The following ZNF385D variants were observed in gnomAD, a reference collection of about 807,000 sequenced individuals.
The protein encoded by ZNF385D is zinc finger protein 659.
A neutral mutation model predicts 35.8 loss-of-function variants in ZNF385D; 15 were observed. The observed-to-expected ratio is 0.42, with a 90% CI of 0.28 to 0.64. The LOEUF is 0.64. Among genes scored for constraint, ZNF385D ranks in the 30% least tolerant of loss-of-function variants. ZNF385D has a pLI of 0.23. For synonymous variants in ZNF385D, 212 were observed against 186.8 expected, an observed-to-expected ratio of 1.13 and a Z score of -1.10; for missense variants, 474 against 494.6, an observed-to-expected ratio of 0.96 and a Z score of 0.39.
At position 21,437,077 on chromosome 3, in the gene ZNF385D, G is replaced by A. The variant is rs1237776631; in HGVS notation, c.566C>T (p.Ser189Leu). 3.1e-6 allele frequency: 5 copies of A among 1,613,898 alleles called. No homozygotes were observed. In the African/African-American group the frequency reaches 5.3e-5, roughly 17 times the overall value. Residue 189 changes from serine to leucine, a missense_variant, in exon 5 of 8, where the codon TCA becomes TTA. Physicochemically the swap from Ser to Leu is moderately radical, Grantham distance 145 (BLOSUM62 -2). Transcript: ENST00000281523. ...TTCCTCGGTCTCAGTAGAAGGACATGAGCTATTGCCAGTGGCTGTCGTTGG... is the reference window on the plus strand; with the variant it reads ...TTCCTCGGTCTCAGTAGAAGGACATAAGCTATTGCCAGTGGCTGTCGTTGG... ...KSPTTATGNS[S>L]CPSTETEEEK...
chr3:21,550,563 A>G (rs9827481), intron 3 of ZNF385D, among the ~76,000 whole-genome samples: 25,468 of 151,976 alleles, frequency 0.17, 2,166 homozygotes, highest in African/African-American at 0.21. Flanking sequence ...GCTTACTGCA[A>G]CCTCCGCCTG....
intron 2 of ZNF385D, among the ~76,000 whole-genome samples, chr3:21,644,061 T>C (rs1471568216): frequency 2.0e-5 from 3 of 152,138 alleles, no homozygotes; most frequent in Non-Finnish European, 2.9e-5. Context: ...TAACTCTTCA[T>C]TGAATGTTGT....
chr3:21,775,972 T>C (rs545749602), intron 3 of ZNF385D, among the ~76,000 whole-genome samples: 1 of 151,772 alleles, frequency 6.6e-6, no homozygotes, highest in African/African-American at 2.4e-5. Context: ...TTCTTTCAGA[T>C]ACTCAATTAT....
At chr3:21,447,395 C>T (rs1702212588) in intron 4 of ZNF385D, among the ~76,000 whole-genome samples, 1 of 152,166 alleles carries the variant, frequency 6.6e-6, no homozygotes, top group South Asian at 2.1e-4. Context: ...TGGTAGCACC[C>T]CTGTTCCAAG....
chr3:21,970,538 G>A (rs1220670110), intron 3 of ZNF385D, among the ~76,000 whole-genome samples: 1 of 151,868 alleles, frequency 6.6e-6, no homozygotes, highest in Non-Finnish European at 1.5e-5. Flanking sequence ...GAAAAAGAAT[G>A]AAGCATGCTT....
chr3:22,236,656 T>C (rs1280349966), intron 2 of ZNF385D, among the ~76,000 whole-genome samples: 1 of 152,180 alleles, frequency 6.6e-6, no homozygotes, highest in Non-Finnish European at 1.5e-5. Flanking sequence ...CTATCTATTT[T>C]CAGAACATTT....
At position 21,808,264 on chromosome 3, in the gene ZNF385D, C is replaced by G. The variant is rs151332403; in HGVS notation, c.326-143236G>C. Reference sequence around the variant, plus strand: ...TAAATTACATAAATAACAACTCAAACATATTTTAGGAAAAGTCCCCTTCTA... The same window carrying G: ...TAAATTACATAAATAACAACTCAAAGATATTTTAGGAAAAGTCCCCTTCTA... On this transcript the variant is annotated intron_variant, in intron 3 of 5. Coordinates refer to the ZNF385D transcript ENST00000494108. Among the ~76,000 whole-genome samples the G allele has an allele frequency of 3.3e-3, 509 of 152,226 alleles. 7 individuals are homozygous for G. Among genetic ancestry groups the G allele is most frequent in the Middle Eastern group, 0.01 (3 of 294 alleles).
intron 3 of ZNF385D, among the ~76,000 whole-genome samples, chr3:22,151,868 T>C (rs1392345503): frequency 1.3e-5 from 2 of 152,090 alleles, no homozygotes; most frequent in Non-Finnish European, 2.9e-5. Flanking sequence ...TAAACTTTTA[T>C]TTTAGGTTTA....
chr3:22,110,532 A>G (rs1191302333), intron 3 of ZNF385D, among the ~76,000 whole-genome samples: 5 of 152,032 alleles, frequency 3.3e-5, no homozygotes, highest in East Asian at 3.9e-4. Context: ...GCAAACTATC[A>G]CAAGGACAAA....
At chr3:21,817,445 G>A (rs2073201024) in intron 3 of ZNF385D, among the ~76,000 whole-genome samples, 1 of 152,034 alleles carries the variant, frequency 6.6e-6, no homozygotes, top group South Asian at 2.1e-4. Context: ...CTGACAAAGG[G>A]CTAATATCCA....
chr3:21,489,060 C>T (rs1186146398), intron 4 of ZNF385D, among the ~76,000 whole-genome samples: 1 of 152,110 alleles, frequency 6.6e-6, no homozygotes, highest in Non-Finnish European at 1.5e-5. Context: ...TTAATGCTCT[C>T]TTTTGCTTTT....
At chr3:21,678,645 C>A (rs9310652) in intron 1 of ZNF385D, among the ~76,000 whole-genome samples, 9,794 of 152,078 alleles carry the variant, frequency 0.064, 367 homozygotes, top group East Asian at 0.13. Context: ...TGCTTTTGAA[C>A]GGACATTAAT....
chr3:22,127,317 CTTTTTTTTTTTTTTTTTTTTTTTTTTT>C (rs71044975), intron 3 of ZNF385D, among the ~76,000 whole-genome samples: 2 of 56,308 alleles, frequency 3.6e-5, no homozygotes, highest in Admixed American at 2.0e-4. Flanking sequence ...TCATTTCCTG[CTTTTTTTTTTTTTTTTTTTTTTTTTTT>C]TTTTTTTTTT....
In ZNF385D at chr3:21,873,983, A is replaced by ATTT. The variant is rs3042168; in HGVS notation, c.326-208958_326-208956dup. Among the ~76,000 whole-genome samples the ATTT allele has an allele frequency of 2.7e-5, 4 of 150,064 alleles. No homozygotes were observed. In the South Asian group the frequency reaches 8.4e-4, roughly 31 times the overall value. The stretch of plus-strand genomic sequence containing the variant: ...AGTATCTCTTCAAGATCCTGATTTC[A>ATTT]TTTTTTTTTTTGTATAAATACCCAG... On this transcript the variant is annotated intron_variant, in intron 3 of 5. Transcript: ENST00000494108.
intron 3 of ZNF385D, among the ~76,000 whole-genome samples, chr3:21,800,584 G>T (rs1001051567): frequency 6.6e-6 from 1 of 152,132 alleles, no homozygotes; most frequent in African/African-American, 2.4e-5. Flanking sequence ...GCCAGCTCAG[G>T]CAACAGAGTG....
At position 21,510,935 on chromosome 3, in the gene ZNF385D, G is replaced by C. The variant is rs767593181; in HGVS notation, c.365C>G (p.Thr122Ser). ...EAMKNKQKSV[T>S]AKDSAKTTFT... ...GGTAGTCTTTGCGCTGTCCTTGGCA[G>C]TTACAGATTTCTGCTTATTTTTCAT... The change falls in exon 4 of 8, where the codon ACT becomes AGT. Residue 122 changes from threonine (T) to serine (S), a missense_variant. Physicochemically the swap from Thr to Ser is moderately conservative, Grantham distance 58. Transcript: ENST00000281523. 6.2e-7 allele frequency: 1 copy of C among 1,614,172 alleles called. No individual in the cohort carries two copies. The highest frequency in any genetic ancestry group is 1.7e-5 in the Admixed American group (1 of 60,020).
chr3:21,858,380 G>A (rs1696852977), intron 3 of ZNF385D, among the ~76,000 whole-genome samples: 1 of 151,768 alleles, frequency 6.6e-6, no homozygotes. Flanking sequence ...GCTATGGTCT[G>A]AATGTTTATG....
chr3:21,927,683 G>T lies in ZNF385D; in HGVS notation c.325+241134C>A, dbSNP rs1033684055. ...AATGTAAACATAATAGAGCTAGAGT[G>T]AATATTCTGATATCAGACAAAATAG... On this transcript the variant is annotated intron_variant, in intron 3 of 5. Coordinates refer to the ZNF385D transcript ENST00000494108. Among the ~76,000 whole-genome samples, 6 of 152,150 alleles carry T rather than the reference G, an allele frequency of 3.9e-5. No individual in the cohort carries two copies. In the East Asian group the frequency reaches 1.2e-3, roughly 29 times the overall value.
At chr3:21,429,575 G>A (rs541285675) in intron 5 of ZNF385D, among the ~76,000 whole-genome samples, 2 of 152,020 alleles carry the variant, frequency 1.3e-5, no homozygotes, top group East Asian at 3.9e-4. Flanking sequence ...TTTCATAAGT[G>A]GTATTATAGG....
Sources: gnomAD v4.1 joint callset for allele counts (sites outside exome capture counted in the v4.1 genomes callset) on GRCh38, gnomAD v4.1.1 for gene constraint, MANE v1.5 for transcripts, NCBI Gene and HGNC (gene_info 2026-07-23, HGNC 2026-07-21) for gene names.